Variants in GFRAL observed in about 807,000 individuals in gnomAD.
The protein encoded by GFRAL is GDNF family receptor alpha like.
GFRAL carries 36 observed loss-of-function variants against 45.4 expected under a neutral mutation model. The ratio of observed to expected loss-of-function variants is 0.79; its 90% CI spans 0.61 to 1.05. The LOEUF is 1.05. GFRAL is among the 50% of genes least tolerant of loss of function. The pLI, the probability that GFRAL is intolerant of heterozygous loss-of-function variation, is 0.00. For missense variants in GFRAL, 507 were observed against 467.5 expected, an observed-to-expected ratio of 1.08 and a Z score of -0.78; for synonymous variants, 166 against 154.1, an observed-to-expected ratio of 1.08 and a Z score of -0.57.
At chr6:55,399,951 C>T (rs1014441148) in intron 8 of GFRAL, among the ~76,000 whole-genome samples, 1 of 152,086 alleles carries the variant, frequency 6.6e-6, no homozygotes, top group Non-Finnish European at 1.5e-5. Flanking sequence ...CCTAGAAAGA[C>T]ATTACCATTG....
intron 3 of GFRAL, among the ~76,000 whole-genome samples, chr6:55,334,620 T>C (rs939212077): frequency 3.9e-5 from 6 of 152,202 alleles, no homozygotes; most frequent in Non-Finnish European, 7.3e-5. Context: ...TCAATTCTTC[T>C]TTCACAATCA....
At chr6:55,376,652 G>A (rs1203137502) in intron 6 of GFRAL, among the ~76,000 whole-genome samples, 1 of 151,788 alleles carries the variant, frequency 6.6e-6, no homozygotes, top group African/African-American at 2.4e-5. Context: ...ATAGTATTCT[G>A]TAATGTTTGT....
chr6:55,339,537 T>A (rs1767934960), intron 3 of GFRAL, among the ~76,000 whole-genome samples: 2 of 152,110 alleles, frequency 1.3e-5, no homozygotes, highest in Non-Finnish European at 2.9e-5. Flanking sequence ...TTCAGAAGAA[T>A]TTTATGACCT....
intron 3 of GFRAL, among the ~76,000 whole-genome samples, chr6:55,334,762 C>T (rs1269366737): frequency 6.6e-6 from 1 of 152,118 alleles, no homozygotes; most frequent in East Asian, 1.9e-4. Flanking sequence ...TTTGCCATTT[C>T]CAGAATATCA....
At chr6:55,389,452 C>G (rs1361327038) in intron 6 of GFRAL, among the ~76,000 whole-genome samples, 10 of 152,110 alleles carry the variant, frequency 6.6e-5, no homozygotes, top group Non-Finnish European at 1.5e-5. Context: ...TGTGTAACCA[C>G]TAGCAAAACA....
chr6:55,336,703 T>G (rs142798037), intron 3 of GFRAL, among the ~76,000 whole-genome samples: 1,989 of 152,234 alleles, frequency 0.013, 23 homozygotes, highest in Non-Finnish European at 0.022. Flanking sequence ...TTTCCAATCT[T>G]TAGTCTTTCA....
intron 6 of GFRAL, among the ~76,000 whole-genome samples, chr6:55,387,580 G>A (rs73744246): frequency 1.3e-5 from 2 of 151,962 alleles, no homozygotes; most frequent in Non-Finnish European, 2.9e-5. Context: ...TCTTAAAGAG[G>A]GACTCTTTAG....
intron 5 of GFRAL, among the ~76,000 whole-genome samples, chr6:55,355,838 T>C (rs1768183777): frequency 6.6e-6 from 1 of 152,002 alleles, no homozygotes; most frequent in Non-Finnish European, 1.5e-5. Flanking sequence ...CCCCATTTTA[T>C]ATGATACTAG....
intron 3 of GFRAL, among the ~76,000 whole-genome samples, chr6:55,340,949 A>T (rs1442608590): frequency 6.6e-6 from 1 of 152,156 alleles, no homozygotes; most frequent in Non-Finnish European, 1.5e-5. Context: ...CTGAGATCAA[A>T]CTGCAAGGCA....
At chr6:55,327,739 C>T (rs1687656970) in intron 1 of GFRAL, among the ~76,000 whole-genome samples, 163 bp downstream of exon 1, 2 of 151,920 alleles carry the variant, frequency 1.3e-5, no homozygotes. Context: ...CAAAAATGTA[C>T]ACTCACTTTT....
At chr6:55,335,915 T>TTTTATTTTA (rs1350335506) in intron 3 of GFRAL, among the ~76,000 whole-genome samples, 3 of 142,438 alleles carry the variant, frequency 2.1e-5, no homozygotes, top group African/African-American at 5.5e-5. Flanking sequence ...TTTTATTTTA[T>TTTTATTTTA]TTTATTTTAT....
Position 55,333,850 on chromosome 6 carries a change from G to A in GFRAL, c.222G>A (p.Val74=). The A allele has an allele frequency of 6.2e-7, 1 of 1,610,866 alleles. No homozygotes were observed. ...GTAACCTGAGTATCCAGTACTTAGT[G>A]GAAAGCAATTTCCAATTTAAAGAGT... ...SYCNLSIQYL[V]ESNFQFKECL... The change falls in exon 3 of 9, where the codon GTG becomes GTA. Residue 74 remains valine, a synonymous_variant. Transcript: ENST00000340465.
rs374769627 is a variant in GFRAL at position 55,401,799 on chromosome 6, A to T, written c.1131A>T (p.Arg377Ser). 24 of 1,520,308 alleles carry T rather than the reference A, an allele frequency of 1.6e-5. No individual in the cohort carries two copies. Among genetic ancestry groups the T allele is most frequent in the Non-Finnish European group, 2.1e-5 (23 of 1,094,270 alleles). The allele number at this position is 1,520,308 out of a possible 1,614,324, so 94.2% of individuals were successfully genotyped here. A position where few individuals can be genotyped will look rare whatever the true frequency, so the allele number is the denominator to read the frequency against. The change falls in exon 9 of 9, where the codon AGA becomes AGT. Residue 377 changes from arginine to serine, a missense_variant. By Grantham distance (110) the Arg-to-Ser change is moderately radical. Transcript: ENST00000340465. ...CTTTTATTTTATACAGAACTTCCAG[A>T]ATATCAAGTAAAGCAAGAGATCCTT... is the stretch of plus-strand genomic sequence containing the variant. ...LLVMVKLRTSRISSKARDPSS... is the reference protein window; with the variant it reads ...LLVMVKLRTSSISSKARDPSS...
chr6:55,382,587 C>T (rs983437382), intron 6 of GFRAL, among the ~76,000 whole-genome samples: 3 of 151,914 alleles, frequency 2.0e-5, no homozygotes, highest in Non-Finnish European at 4.4e-5. Context: ...CTCAGCCTGA[C>T]TCTTACATTT....
intron 5 of GFRAL, among the ~76,000 whole-genome samples, chr6:55,353,859 T>G (rs1768152160): frequency 6.6e-6 from 1 of 151,876 alleles, no homozygotes; most frequent in Non-Finnish European, 1.5e-5. Context: ...CAATGAAATA[T>G]CAAACACATG....
chr6:55,399,548 T>C (rs1768869539), intron 8 of GFRAL, 107 bp downstream of exon 8: 2 of 787,432 alleles, frequency 2.5e-6, no homozygotes, highest in South Asian at 1.5e-5. Context: ...AATGAAAGCT[T>C]CTCTGTTAAG....
chr6:55,380,741 C>T (rs1457785106), intron 6 of GFRAL, among the ~76,000 whole-genome samples: 1 of 151,920 alleles, frequency 6.6e-6, no homozygotes, highest in Non-Finnish European at 1.5e-5. Context: ...ATTGTTGGTA[C>T]ACATTAGCCA....
In GFRAL at chr6:55,363,347, T is replaced by C. The variant is rs182547101; in HGVS notation, c.952+4209T>C. On this transcript the variant is annotated intron_variant, in intron 6 of 8. Coordinates refer to ENST00000340465, the MANE Select transcript of GFRAL (RefSeq NM_207410.2). Reference sequence around the variant, plus strand: ...CACATTTTTTAAGGCAATCAAACTATACTTATTGCTTTACAGGTTCCTTTT... The same window carrying C: ...CACATTTTTTAAGGCAATCAAACTACACTTATTGCTTTACAGGTTCCTTTT... Among the ~76,000 whole-genome samples, 33 of 152,164 alleles carry C rather than the reference T, an allele frequency of 2.2e-4. No individual in the cohort carries two copies. The East Asian group carries it at 6.2e-3, about 29-fold the overall frequency.
intron 3 of GFRAL, among the ~76,000 whole-genome samples, chr6:55,334,221 T>C (rs896461471): frequency 2.6e-5 from 4 of 152,184 alleles, no homozygotes; most frequent in South Asian, 4.1e-4. Context: ...ACCACAATTC[T>C]AAGCTTCATT....
Sources: allele counts gnomAD v4.1 joint callset (sites outside exome capture counted in the v4.1 genomes callset), GRCh38; gene constraint gnomAD v4.1.1; transcripts MANE v1.5; gene names NCBI Gene and HGNC (gene_info 2026-07-23, HGNC 2026-07-21).